Variants in MRTFB observed in about 807,000 individuals in gnomAD.
MRTFB encodes myocardin-related transcription factor B.
A neutral mutation model predicts 104.2 loss-of-function variants in MRTFB; 29 were observed. The observed-to-expected ratio is 0.28, with a 90% CI of 0.21 to 0.38. The LOEUF (loss-of-function observed/expected upper bound fraction) is 0.38. Among genes scored for constraint, MRTFB ranks in the 10% least tolerant of loss-of-function variants. MRTFB has a pLI of 1.00. For synonymous variants in MRTFB, 535 were observed against 519.5 expected (o/e 1.03, Z -0.41); for missense variants, 1,270 against 1,341.6 (o/e 0.95, Z 0.83).
At chr16:14,132,941 TTAAC>T (rs2037512761) in intron 2 of MRTFB, among the ~76,000 whole-genome samples, 1 of 152,188 alleles carries the variant, frequency 6.6e-6, no homozygotes, top group South Asian at 2.1e-4. Context: ...TCGTAGTAAT[TTAAC>T]TAAATATTAT....
the MRTFB span, among the ~76,000 whole-genome samples, chr16:14,035,203 A>T: frequency 6.6e-6 from 1 of 152,178 alleles, no homozygotes; most frequent in Non-Finnish European, 1.5e-5. Context: ...TAAGATTGCG[A>T]TCCTCCCTGA....
At chr16:14,131,646 G>A (rs1245235365) in intron 2 of MRTFB, among the ~76,000 whole-genome samples, 2 of 151,816 alleles carry the variant, frequency 1.3e-5, no homozygotes, top group Non-Finnish European at 2.9e-5. Context: ...ATAAAAATGG[G>A]TATTTCTGTA....
At chr16:14,151,964 T>A (rs1262027087) in intron 3 of MRTFB, 1 of 152,208 alleles carries the variant, frequency 6.6e-6, no homozygotes, top group Non-Finnish European at 1.5e-5. Context: ...AAACCCTCTG[T>A]CATCGAGGAC....
intron 3 of MRTFB, chr16:14,200,544 C>A: frequency 6.2e-7 from 1 of 1,607,106 alleles, no homozygotes; most frequent in Non-Finnish European, 8.5e-7. Flanking sequence ...AGCTTTATTA[C>A]CTGTATGGTA....
chr16:14,046,742 T>C, the MRTFB span, among the ~76,000 whole-genome samples: 2 of 152,134 alleles, frequency 1.3e-5, no homozygotes, highest in African/African-American at 4.8e-5. Flanking sequence ...CAGCTTTGAT[T>C]TGAGGAGAAA....
chr16:14,158,790 C>T (rs2038922542), intron 3 of MRTFB, among the ~76,000 whole-genome samples: 2 of 152,092 alleles, frequency 1.3e-5, no homozygotes, highest in South Asian at 4.2e-4. Context: ...TGCCTAGATT[C>T]CCTTTCATTT....
the MRTFB span, among the ~76,000 whole-genome samples, chr16:14,065,156 A>G: frequency 2.0e-5 from 3 of 152,104 alleles, no homozygotes; most frequent in East Asian, 5.8e-4. Flanking sequence ...TGTAATTCTC[A>G]TTGCAGAGTT....
At chr16:14,176,727 G>A (rs1370321553) in intron 3 of MRTFB, among the ~76,000 whole-genome samples, 2 of 152,234 alleles carry the variant, frequency 1.3e-5, no homozygotes, top group East Asian at 1.9e-4. Context: ...GATAGTAGTA[G>A]AGAGAGCTAT....
At chr16:14,229,939 A>G (rs994455594) in intron 8 of MRTFB, among the ~76,000 whole-genome samples, 9 of 152,116 alleles carry the variant, frequency 5.9e-5, no homozygotes, top group African/African-American at 1.9e-4. Context: ...CAATTCAATC[A>G]TTTTGAAATT....
At chr16:14,189,598 T>G (rs1478110967) in intron 3 of MRTFB, among the ~76,000 whole-genome samples, 2 of 152,256 alleles carry the variant, frequency 1.3e-5, no homozygotes, top group South Asian at 4.1e-4. Context: ...ATATTTATCA[T>G]ATTTTATATC....
At chr16:14,058,071 G>A in the MRTFB span, among the ~76,000 whole-genome samples, 5 of 152,124 alleles carry the variant, frequency 3.3e-5, no homozygotes, top group African/African-American at 7.2e-5. Context: ...CGGAGAGCCC[G>A]TATTTTCTTA....
At chr16:14,101,817 T>C (rs1242914296) in intron 2 of MRTFB, among the ~76,000 whole-genome samples, 2 of 152,168 alleles carry the variant, frequency 1.3e-5, no homozygotes, top group South Asian at 4.1e-4. Context: ...TTCTGAGTTT[T>C]TTTAAAAAAG....
the MRTFB span, among the ~76,000 whole-genome samples, chr16:14,062,728 T>C: frequency 6.6e-6 from 1 of 152,166 alleles, no homozygotes; most frequent in Non-Finnish European, 1.5e-5. Flanking sequence ...AGAAAAGAAC[T>C]TGAGGCTAAG....
At chr16:14,218,471 TTTTCTTA>T (rs2041529839) in intron 7 of MRTFB, among the ~76,000 whole-genome samples, 1 of 152,198 alleles carries the variant, frequency 6.6e-6, no homozygotes, top group Non-Finnish European at 1.5e-5. Context: ...GATCTTTTTT[TTTTCTTA>T]TTTGTTGAGA....
At chr16:14,153,313 A>G (rs1184483042) in intron 3 of MRTFB, 1 of 152,210 alleles carries the variant, frequency 6.6e-6, no homozygotes, top group Non-Finnish European at 1.5e-5. Context: ...AATATGAAAA[A>G]GTATTGCTTT....
rs1195207620 is a variant in MRTFB, at chr16:14,127,920, TATATA to T, written c.-63-12623_-63-12619del. ...AACTGAATATATATATATATATATATATATATATATTTTTTTTTTTTTTTTTTTTT... is the reference window on the plus strand; with the variant it reads ...AACTGAATATATATATATATATATATTATATTTTTTTTTTTTTTTTTTTTT... On this transcript the variant is annotated intron_variant, in intron 2 of 16. Transcript: ENST00000571589. Among the ~76,000 whole-genome samples the T allele has an allele frequency of 1.2e-4, 5 of 42,748 alleles. No homozygotes were observed. In the African/African-American group the frequency reaches 1.4e-3, roughly 12 times the overall value. 28.0% of individuals were successfully genotyped at this position (42,748 alleles called of 152,430 possible).
At chr16:14,260,094 G>A (rs1308044452) in intron 16 of MRTFB, among the ~76,000 whole-genome samples, 2 of 152,300 alleles carry the variant, frequency 1.3e-5, no homozygotes, top group South Asian at 2.1e-4. Context: ...AAGATGGTCT[G>A]TTAATTTGCT....
At chr16:14,176,795 G>A (rs2039597744) in intron 3 of MRTFB, among the ~76,000 whole-genome samples, 1 of 152,214 alleles carries the variant, frequency 6.6e-6, no homozygotes, top group African/African-American at 2.4e-5. Context: ...CATAAATACA[G>A]TGCTGTAAAA....
At chr16:14,100,355 T>C (rs758382434) in intron 2 of MRTFB, among the ~76,000 whole-genome samples, 2 of 152,222 alleles carry the variant, frequency 1.3e-5, no homozygotes, top group Non-Finnish European at 2.9e-5. Context: ...TCTATTGAGA[T>C]AATCATATGG....
Sources: allele counts gnomAD v4.1 joint callset (sites outside exome capture counted in the v4.1 genomes callset), GRCh38; gene constraint gnomAD v4.1.1; transcripts MANE v1.5; gene names NCBI Gene and HGNC (gene_info 2026-07-23, HGNC 2026-07-21).